Variants in ATP8B3 observed in about 807,000 individuals in gnomAD.
ATP8B3 encodes the protein ATPase phospholipid transporting 8B3, also known as phospholipid-transporting ATPase IK.
ATP8B3 carries 141 observed loss-of-function variants against 140.9 expected under a neutral mutation model. That is an observed-to-expected ratio of 1.00 (90% CI 0.87 to 1.15). The LOEUF (loss-of-function observed/expected upper bound fraction) is 1.15. Ranked by LOEUF, ATP8B3 falls within the 50% of genes most tolerant of loss-of-function variation. ATP8B3 has a pLI of 0.00. For synonymous variants in ATP8B3, 765 were observed against 714.6 expected, an observed-to-expected ratio of 1.07 and a Z score of -1.13; for missense variants, 1,874 against 1,740.6, an observed-to-expected ratio of 1.08 and a Z score of -1.36.
rs555624295 is a variant in ATP8B3 at position 1,805,317 on chromosome 19, C to G, written c.904+57G>C. On this transcript the variant is annotated intron_variant, in intron 10 of 28. Coordinates refer to ENST00000310127, the MANE Select transcript of ATP8B3 (RefSeq NM_138813.4). This position sits in a 1 kb window ranked among gnomAD's most constrained non-coding sequence, Gnocchi z 5.2. ...ACAGTAATAACAACAACAAAATACC[C>G]TAACTTTTAACTTTTACAGATTCGA... The G allele has an allele frequency of 1.4e-5, 21 of 1,476,016 alleles. No individual in the cohort carries two copies. The East Asian group carries it at 4.9e-4, about 35-fold the overall frequency. 91.4% of individuals were successfully genotyped at this position (1,476,016 alleles called of 1,614,324 possible). A position where few individuals can be genotyped will look rare whatever the true frequency, so the allele number is the denominator to read the frequency against.
rs536215184 is a variant in ATP8B3, at chr19:1,803,757, G to A, written c.905-1112C>T. Among the ~76,000 whole-genome samples, 180 of 152,210 alleles carry A rather than the reference G, an allele frequency of 1.2e-3. 2 individuals carry two copies. Among genetic ancestry groups the A allele is most frequent in the South Asian group, 1.9e-3 (9 of 4,822 alleles). On this transcript the variant is annotated intron_variant, in intron 10 of 28. Transcript: ENST00000310127. ...ACTGAAAATACAAAATTAGCTGGGC[G>A]TGGTGGCGGGCGCCTGGGATCCCAG...
At chr19:1,799,859 T>G in intron 14 of ATP8B3, 88 bp downstream of exon 14, 1 of 1,315,494 alleles carries the variant, frequency 7.6e-7, no homozygotes, top group Non-Finnish European at 1.1e-6. Flanking sequence ...GTGCTGGGCA[T>G]GGGGCCAGAC....
At chr19:1,793,066 C>G (rs2068564730) in intron 18 of ATP8B3, among the ~76,000 whole-genome samples, 1 of 151,304 alleles carries the variant, frequency 6.6e-6, no homozygotes, top group South Asian at 2.1e-4. Flanking sequence ...CTTCCCTATG[C>G]TTTGCACAGC....
chr19:1,792,260 C>T (rs2068536438), intron 18 of ATP8B3, 125 bp from the exon 19 acceptor site: 1 of 1,109,020 alleles, frequency 9.0e-7, no homozygotes, highest in Non-Finnish European at 1.2e-6. Flanking sequence ...GCCTCCCCAG[C>T]CAACAGCAGC....
chr19:1,798,111 C>T (rs1017932031), intron 14 of ATP8B3, among the ~76,000 whole-genome samples: 6 of 151,950 alleles, frequency 3.9e-5, no homozygotes, highest in South Asian at 2.1e-4. Flanking sequence ...GCTGGGACTA[C>T]AGGTGCCTGC....
chr19:1,792,537 AC>A (rs941217875), intron 18 of ATP8B3, among the ~76,000 whole-genome samples: 4 of 144,194 alleles, frequency 2.8e-5, no homozygotes, highest in Non-Finnish European at 4.5e-5. Context: ...CTGAGATCAC[AC>A]CACTGCACTC....
In ATP8B3 at chr19:1,796,276, G is replaced by C; in HGVS notation, c.1754-11C>G. On this transcript the variant is annotated splice_polypyrimidine_tract_variant and intron_variant, in intron 16 of 28. Coordinates refer to ENST00000310127, the MANE Select transcript of ATP8B3 (RefSeq NM_138813.4). ...GGTACAACAGCTGGTCTGGTAGGGA[G>C]GGGGGCCATTTTGGGGTCACGTGGT... 1.3e-6 allele frequency: 2 copies of C among 1,598,730 alleles called. No homozygotes were observed. The highest frequency in any genetic ancestry group is 1.7e-6 in the Non-Finnish European group (2 of 1,174,496).
chr19:1,784,096 G>A (rs1254062934), intron 28 of ATP8B3, among the ~76,000 whole-genome samples: 7 of 152,146 alleles, frequency 4.6e-5, no homozygotes, highest in African/African-American at 7.2e-5. Flanking sequence ...CAGATGGAGC[G>A]TGCCGTGTTG....
rs542043117 is a variant in ATP8B3 at position 1,794,337 on chromosome 19, A to C, written c.2055+1538T>G. On this transcript the variant is annotated intron_variant, in intron 18 of 28. Coordinates refer to ENST00000310127, the MANE Select transcript of ATP8B3 (RefSeq NM_138813.4). The surrounding 1 kb of genome is among the most constrained non-coding windows in gnomAD (Gnocchi z 4.8). Reference sequence around the variant, plus strand: ...ATCCATTCCCTGGGGTGGCTGAGCTAAGCTGACCTGCTGAGCTCCTGGGCT... The same window carrying C: ...ATCCATTCCCTGGGGTGGCTGAGCTCAGCTGACCTGCTGAGCTCCTGGGCT... Among the ~76,000 whole-genome samples, 7 of 152,250 alleles carry C rather than the reference A, an allele frequency of 4.6e-5. No homozygotes were observed. The South Asian group carries it at 1.5e-3, about 32-fold the overall frequency.
In ATP8B3 at chr19:1,789,543, C is replaced by A; in HGVS notation, c.2663G>T (p.Arg888Leu). ...CTCCTGCAGCACCTCGGAGCTACGG[C>A]GGGCTCTGGAGTCCTGGGCTGGCGG... ...AAPPAQDSRA[R>L]RSSEVLQERA... The change falls in exon 23 of 29, where the codon CGC (arginine) becomes CTC (leucine). Residue 888 changes from arginine (R) to leucine (L), a missense_variant. By Grantham distance (102) the Arg-to-Leu change is moderately radical (BLOSUM62 -2). This residue lies in a region of ATP8B3 where 840 missense variants were observed against 760.9 expected (regional missense o/e 1.10). Coordinates refer to ENST00000310127, the MANE Select transcript of ATP8B3 (RefSeq NM_138813.4). 1 of 1,596,682 alleles carries A rather than the reference C, an allele frequency of 6.3e-7. No homozygotes were observed.
chr19:1,789,514 C>G lies in ATP8B3; in HGVS notation c.2692G>C (p.Ala898Pro). The change falls in exon 23 of 29, where the codon GCC becomes CCC. Residue 898 changes from alanine (A) to proline (P), a missense_variant. Physicochemically the swap from Ala to Pro is conservative, Grantham distance 27 (BLOSUM62 -1). Transcript: ENST00000310127. Reference sequence around the variant, plus strand: ...CACTTGGACGCCAGGTCCACGAAGGCGCGCTCCTGCAGCACCTCGGAGCTA... The same window carrying G: ...CACTTGGACGCCAGGTCCACGAAGGGGCGCTCCTGCAGCACCTCGGAGCTA... ...RRSSEVLQER[A>P]FVDLASKCQA... is the part of the protein sequence containing the mutation. 1.3e-6 allele frequency: 2 copies of G among 1,598,092 alleles called. No homozygotes were observed. The highest frequency in any genetic ancestry group is 1.7e-6 in the Non-Finnish European group (2 of 1,179,026).
chr19:1,796,376 G>A (rs765524813), intron 16 of ATP8B3, 111 bp from the exon 17 acceptor site: 48 of 1,084,990 alleles, frequency 4.4e-5, no homozygotes, highest in East Asian at 7.8e-5. Context: ...GATGGTGGCC[G>A]GGGACCCCCG....
chr19:1,795,496 A>T (rs1339283512), intron 18 of ATP8B3, among the ~76,000 whole-genome samples: 1 of 152,098 alleles, frequency 6.6e-6, no homozygotes, highest in African/African-American at 2.4e-5. Context: ...GGTTGCAGCG[A>T]GCCAAGACTG....
In ATP8B3 at chr19:1,800,227, T is replaced by C; in HGVS notation, c.1343+32A>G. On this transcript the variant is annotated intron_variant, in intron 13 of 28. Transcript: ENST00000310127. The surrounding 1 kb of genome is among the most constrained non-coding windows in gnomAD (Gnocchi z 4.4). Reference sequence around the variant, plus strand: ...ATCCCCATGCCTCCCCGTTCCGCGTTTGCACCGGGGACGCAGCCGGCGGAG... The same window carrying C: ...ATCCCCATGCCTCCCCGTTCCGCGTCTGCACCGGGGACGCAGCCGGCGGAG... The C allele has an allele frequency of 6.2e-7, 1 of 1,605,608 alleles. No individual in the cohort carries two copies. Among genetic ancestry groups the C allele is most frequent in the South Asian group, 1.1e-5 (1 of 90,720 alleles).
chr19:1,811,870 C>A lies in ATP8B3; in HGVS notation c.-134G>T. On this transcript the variant is annotated 5_prime_UTR_variant, in exon 2 of 29. Coordinates refer to ENST00000310127, the MANE Select transcript of ATP8B3 (RefSeq NM_138813.4). Reference sequence around the variant, plus strand: ...GAGAGAATGCTCAAATGGCCAGAATCCACTCGAAGTGTATCTGGGGGCAGA... The same window carrying A: ...GAGAGAATGCTCAAATGGCCAGAATACACTCGAAGTGTATCTGGGGGCAGA... 1.0e-6 allele frequency: 1 copy of A among 1,004,356 alleles called. No individual in the cohort carries two copies. The highest frequency in any genetic ancestry group is 1.4e-6 in the Non-Finnish European group (1 of 710,654). 62.2% of individuals were successfully genotyped at this position (1,004,356 alleles called of 1,614,324 possible). A position where few individuals can be genotyped will look rare whatever the true frequency, so the allele number is the denominator to read the frequency against.
chr19:1,795,890 T>A lies in ATP8B3; in HGVS notation c.2040A>T (p.Thr680=). ...LHRRGAMEFA[T]EEALAAFAQE... ...AGGGACTCACAGCCAAGGCCTCCTC[T>A]GTGGCAAATTCCATTGCCCCCCTCC... Residue 680 remains threonine, a synonymous_variant, in exon 18 of 29, where the codon ACA becomes ACT. Coordinates refer to ENST00000310127, the MANE Select transcript of ATP8B3 (RefSeq NM_138813.4). 6.2e-7 allele frequency: 1 copy of A among 1,611,716 alleles called. No individual in the cohort carries two copies. Among genetic ancestry groups the A allele is most frequent in the Non-Finnish European group, 8.5e-7 (1 of 1,179,606 alleles).
In ATP8B3 at chr19:1,795,934, T is replaced by C. The variant is rs1324784069; in HGVS notation, c.1996A>G (p.Ile666Val). The C allele has an allele frequency of 1.9e-6, 3 of 1,613,180 alleles. No homozygotes were observed. The highest frequency in any genetic ancestry group is 1.3e-5 in the African/African-American group (1 of 74,968). ...CLYTKGADTV[I>V]FERLHRRGAM... ...CCCCTCCTGTGCAAGCGTTCGAAGA[T>C]GACCGTGTCGGCGCCCTTGGTGTAC... The change falls in exon 18 of 29, where the codon ATC (isoleucine) becomes GTC (valine). Residue 666 changes from isoleucine (I) to valine (V), a missense_variant. Ile to Val is a conservative substitution (Grantham distance 29). Transcript: ENST00000310127.
rs2069017111 is a variant in ATP8B3, at chr19:1,806,307, C to T, written c.678-138G>A. On this transcript the variant is annotated intron_variant, in intron 7 of 28. Transcript: ENST00000310127. The surrounding 1 kb of genome is among the most constrained non-coding windows in gnomAD (Gnocchi z 5.6). ...GGCCTTTGCCCCCTCAGGAAGCCTT[C>T]CCCGGGCTCCCACCCCACTCCCCGC... is the stretch of plus-strand genomic sequence containing the variant. The T allele has an allele frequency of 3.4e-6, 5 of 1,482,220 alleles. No homozygotes were observed. The highest frequency in any genetic ancestry group is 2.7e-6 in the Non-Finnish European group (3 of 1,120,426). The allele number at this position is 1,482,220 out of a possible 1,614,324, so 91.8% of individuals were successfully genotyped here.
intron 25 of ATP8B3, 70 bp downstream of exon 25, chr19:1,787,033 C>G: frequency 7.0e-7 from 1 of 1,430,448 alleles, no homozygotes; most frequent in Non-Finnish European, 9.6e-7. Flanking sequence ...CTCCCCGCCC[C>G]AAGGAGCGGA....
Sources: allele counts gnomAD v4.1 joint callset (sites outside exome capture counted in the v4.1 genomes callset), GRCh38; gene constraint gnomAD v4.1.1; regional missense constraint gnomAD v4.1.1; non-coding constraint Gnocchi (gnomAD v3.1); transcripts MANE v1.5; gene names NCBI Gene and HGNC (gene_info 2026-07-23, HGNC 2026-07-21).